Variants in SERINC2 observed in about 807,000 individuals in gnomAD.
SERINC2 encodes tumor differentially expressed protein 2.
Under a neutral mutation model 54.2 loss-of-function variants are expected in SERINC2, and 56 were observed. That is an observed-to-expected ratio of 1.03 (90% confidence interval 0.83 to 1.29). The LOEUF is 1.29. Among genes scored for constraint, SERINC2 ranks in the 50% most tolerant of loss-of-function variants. The pLI, the probability that SERINC2 is intolerant of heterozygous loss-of-function variation, is 0.00. For synonymous variants in SERINC2, 272 were observed against 253.1 expected (o/e 1.07, Z -0.71); for missense variants, 614 against 607.4 (o/e 1.01, Z -0.12).
chr1:31,434,232 T>TGCCACCTGGTGCCTCTC lies in SERINC2; in HGVS notation c.*35_*51dup, dbSNP rs782693794. The TGCCACCTGGTGCCTCTC allele has an allele frequency of 2.5e-6, 4 of 1,601,316 alleles. No individual in the cohort carries two copies. The highest frequency in any genetic ancestry group is 3.4e-6 in the Non-Finnish European group (4 of 1,174,816). ...TCACAGCCTGCCATCTGGTGCCTCC[T>TGCCACCTGGTGCCTCTC]GCCACCTGGTGCCTCTCGGCTCAGT... On this transcript the variant is annotated 3_prime_UTR_variant, in exon 10 of 10. Coordinates refer to ENST00000373709, the MANE Select transcript of SERINC2 (RefSeq NM_178865.5).
chr1:31,425,937 G>T, intron 5 of SERINC2, 24 bp downstream of exon 5: 2 of 1,603,700 alleles, frequency 1.2e-6, no homozygotes, highest in Non-Finnish European at 8.5e-7. Flanking sequence ...CCCTGCCTCC[G>T]TGTGGGGACT....
chr1:31,412,993 G>A, upstream of SERINC2: 1 of 233,542 alleles, frequency 4.3e-6, no homozygotes, highest in Non-Finnish European at 7.2e-6. Context: ...TTTGGAGCAG[G>A]ATGCGAGCCC....
chr1:31,434,136 G>T lies in SERINC2; in HGVS notation c.1305G>T (p.Gly435=). Residue 435 remains glycine (G), a synonymous_variant, in exon 10 of 10, where the codon GGG becomes GGT. Transcript: ENST00000373709. ...TGAAGATCTGTGCCAGCTGGGCAGGGCTGCTCCTCTACCTGTGGACCCTGG... is the reference window on the plus strand; with the variant it reads ...TGAAGATCTGTGCCAGCTGGGCAGGTCTGCTCCTCTACCTGTGGACCCTGG... ...VWVKICASWA[G]LLLYLWTLVA... 1.2e-6 allele frequency: 2 copies of T among 1,613,914 alleles called. No individual in the cohort carries two copies. The highest frequency in any genetic ancestry group is 1.7e-6 in the Non-Finnish European group (2 of 1,179,960).
At chr1:31,417,982 G>A (rs1228907801) in intron 1 of SERINC2, among the ~76,000 whole-genome samples, 3 of 145,946 alleles carry the variant, frequency 2.1e-5, no homozygotes, top group Admixed American at 7.2e-5. Flanking sequence ...TCAGCCTCCC[G>A]CGTAGCTGGG....
At chr1:31,414,420 GT>G (rs72510626) in intron 1 of SERINC2, 9,598 of 373,872 alleles carry the variant, frequency 0.026, 427 homozygotes, top group African/African-American at 0.097. Flanking sequence ...TCCCTGACGG[GT>G]TGTGTGTGTG....
chr1:31,427,859 G>T (rs1641087385), intron 6 of SERINC2, among the ~76,000 whole-genome samples: 3 of 130,776 alleles, frequency 2.3e-5, no homozygotes, highest in African/African-American at 8.9e-5. Flanking sequence ...GACAGGGTCT[G>T]GCTCTGTTGC....
chr1:31,431,983 GAT>G (rs1641253923), intron 8 of SERINC2, among the ~76,000 whole-genome samples: 1 of 142,086 alleles, frequency 7.0e-6, no homozygotes, highest in African/African-American at 2.7e-5. Context: ...GGATAGGGTG[GAT>G]AGGGTGGATA....
rs1553133103 is a variant in SERINC2 at position 31,423,871 on chromosome 1, A to T, written c.201+17A>T. 1 of 1,609,552 alleles carries T rather than the reference A, an allele frequency of 6.2e-7. No individual in the cohort carries two copies. Among genetic ancestry groups the T allele is most frequent in the Admixed American group, 1.7e-5 (1 of 59,884 alleles). ...CTCTACAAGGTGAGTGCCCCAGGGGAGGCAGGGCGGCCTCCAGCGAGGGGC... is the reference window on the plus strand; with the variant it reads ...CTCTACAAGGTGAGTGCCCCAGGGGTGGCAGGGCGGCCTCCAGCGAGGGGC... On this transcript the variant is annotated intron_variant, in intron 2 of 9. Coordinates refer to ENST00000373709, the MANE Select transcript of SERINC2 (RefSeq NM_178865.5).
rs964046496 is a variant in SERINC2 at position 31,413,900 on chromosome 1, T to C, written c.39+596T>C. ...TTCTGTCCGTCTGCCCGTCCGCCCG[T>C]CCGTCCCTCAGTCTCTCTGCGGTCC... On this transcript the variant is annotated intron_variant, in intron 1 of 9. Coordinates refer to ENST00000373709, the MANE Select transcript of SERINC2 (RefSeq NM_178865.5). The surrounding 1 kb of genome is among the most constrained non-coding windows in gnomAD (Gnocchi z 5.0). The C allele has an allele frequency of 1.9e-5, 27 of 1,452,240 alleles. No homozygotes were observed. The highest frequency in any genetic ancestry group is 1.5e-4 in the East Asian group (5 of 34,166). 90.0% of individuals were successfully genotyped at this position (1,452,240 alleles called of 1,614,324 possible).
intron 1 of SERINC2, among the ~76,000 whole-genome samples, chr1:31,419,390 T>G (rs1640854135): frequency 6.6e-6 from 1 of 152,238 alleles, no homozygotes; most frequent in Non-Finnish European, 1.5e-5. Context: ...TTTTTATATT[T>G]GTAAATTTAA....
chr1:31,414,880 C>T, intron 1 of SERINC2: 1 of 505,496 alleles, frequency 2.0e-6, no homozygotes, highest in Non-Finnish European at 2.6e-6. Flanking sequence ...TTGACAGTAA[C>T]AGGGCCTTTC....
chr1:31,424,783 G>A lies in SERINC2; in HGVS notation c.302G>A (p.Cys101Tyr). 1 of 1,612,438 alleles carries A rather than the reference G, an allele frequency of 6.2e-7. No homozygotes were observed. Residue 101 changes from cysteine (C) to tyrosine (Y), a missense_variant, in exon 3 of 10, where the codon TGC becomes TAC. Physicochemically the swap from Cys to Tyr is radical, Grantham distance 194. Transcript: ENST00000373709. ...GGCTACCGCGCTGTCTACCGCATGT[G>A]CTTCGCCACGGCGGCCTTCTTCTTC... ...LLGYRAVYRM[C>Y]FATAAFFFFF...
chr1:31,411,349 A>G (rs1640644532), upstream of SERINC2, among the ~76,000 whole-genome samples: 1 of 152,148 alleles, frequency 6.6e-6, no homozygotes, highest in Admixed American at 6.5e-5. Flanking sequence ...CAACAACCAC[A>G]GTGATCACAG....
rs112646478 is a variant in SERINC2 at position 31,429,069 on chromosome 1, G to T, written c.871+1G>T. ...TGGTCAGCCCTATCCAGTATCCCTGGTAAGTATGGGCCCAGGCTCAAGGAG... is the reference window on the plus strand; with the variant it reads ...TGGTCAGCCCTATCCAGTATCCCTGTTAAGTATGGGCCCAGGCTCAAGGAG... On this transcript the variant is annotated splice_donor_variant, in intron 7 of 9. Coordinates refer to ENST00000373709, the MANE Select transcript of SERINC2 (RefSeq NM_178865.5). LOFTEE classifies it high-confidence loss of function. The T allele has an allele frequency of 1.2e-6, 2 of 1,612,542 alleles. No homozygotes were observed. The highest frequency in any genetic ancestry group is 3.3e-5 in the Admixed American group (2 of 59,978).
At chr1:31,419,165 G>T (rs1481236485) in intron 1 of SERINC2, among the ~76,000 whole-genome samples, 10 of 152,180 alleles carry the variant, frequency 6.6e-5, no homozygotes, top group Admixed American at 3.9e-4. Context: ...CAGCTTTCCA[G>T]TCTGCCTTCC....
intron 6 of SERINC2, among the ~76,000 whole-genome samples, chr1:31,428,663 C>G (rs1641108285): frequency 1.3e-5 from 2 of 152,062 alleles, no homozygotes; most frequent in Admixed American, 1.3e-4. Flanking sequence ...TGGGCAGACT[C>G]TCCAGACGGA....
intron 2 of SERINC2, 42 bp downstream of exon 2, chr1:31,423,896 C>T (rs782446730): frequency 1.3e-5 from 21 of 1,589,560 alleles, no homozygotes; most frequent in Middle Eastern, 1.7e-4. Context: ...CAGCGAGGGG[C>T]GTCAGTGGCT....
intron 1 of SERINC2, chr1:31,416,029 A>T: frequency 2.0e-6 from 1 of 507,608 alleles, no homozygotes; most frequent in Middle Eastern, 9.9e-4. Context: ...TGCACATCCT[A>T]GGGAGTGTGA....
chr1:31,418,711 C>T (rs1187697863), intron 1 of SERINC2, among the ~76,000 whole-genome samples: 2 of 152,142 alleles, frequency 1.3e-5, no homozygotes, highest in Admixed American at 1.3e-4. Context: ...TCATCCAGCC[C>T]TCAGCTGCCT....
Sources: gnomAD v4.1 joint callset for allele counts (sites outside exome capture counted in the v4.1 genomes callset) on GRCh38, gnomAD v4.1.1 for gene constraint, Gnocchi (gnomAD v3.1) non-coding constraint, MANE v1.5 for transcripts, NCBI Gene and HGNC (gene_info 2026-07-23, HGNC 2026-07-21) for gene names.